Variants in WDR7 observed in about 807,000 individuals in gnomAD.
The protein encoded by WDR7 is WD repeat domain 7.
Under a neutral mutation model 169.4 loss-of-function variants are expected in WDR7, and 46 were observed. That is an observed-to-expected ratio of 0.27 (90% confidence interval 0.21 to 0.35). WDR7 has a LOEUF of 0.35. Among genes scored for constraint, WDR7 ranks in the 10% least tolerant of loss-of-function variants. WDR7 has a pLI of 1.00. For synonymous variants in WDR7, 612 were observed against 666.8 expected (o/e 0.92, Z 1.27); for missense variants, 1,534 against 1,859.3 (o/e 0.83, Z 3.22).
intron 12 of WDR7, among the ~76,000 whole-genome samples, chr18:56,703,979 A>G (rs1023821421): frequency 2.0e-5 from 3 of 152,154 alleles, no homozygotes; most frequent in Admixed American, 6.5e-5. Context: ...TCTTCAAACA[A>G]TGAGGAATAG....
At chr18:56,966,101 C>T (rs994363292) in intron 26 of WDR7, among the ~76,000 whole-genome samples, 1 of 152,016 alleles carries the variant, frequency 6.6e-6, no homozygotes. Flanking sequence ...GCATAGTGAC[C>T]GCTACAACGG....
chr18:56,661,930 T>C (rs1194519308), intron 1 of WDR7, among the ~76,000 whole-genome samples: 1 of 152,154 alleles, frequency 6.6e-6, no homozygotes, highest in Non-Finnish European at 1.5e-5. Context: ...CCTCATCACA[T>C]CATACTGTGA....
chr18:56,958,065 C>T (rs1002421024), intron 25 of WDR7, among the ~76,000 whole-genome samples: 5 of 151,972 alleles, frequency 3.3e-5, no homozygotes, highest in Non-Finnish European at 7.4e-5. Flanking sequence ...TTCATCAATC[C>T]AAGGGAAAGT....
intron 12 of WDR7, among the ~76,000 whole-genome samples, chr18:56,701,204 C>T (rs182220469): frequency 1.2e-4 from 18 of 152,182 alleles, no homozygotes; most frequent in African/African-American, 3.6e-4. Flanking sequence ...ATGGCAAGGG[C>T]GTATTATAGG....
chr18:56,668,279 C>T (rs1000517503), intron 1 of WDR7, among the ~76,000 whole-genome samples: 2 of 152,112 alleles, frequency 1.3e-5, no homozygotes, highest in African/African-American at 4.8e-5. Flanking sequence ...AATGTCAGCC[C>T]TACTATTTAC....
At chr18:56,955,894 A>G (rs1428825832) in intron 25 of WDR7, among the ~76,000 whole-genome samples, 1 of 152,218 alleles carries the variant, frequency 6.6e-6, no homozygotes, top group Non-Finnish European at 1.5e-5. Context: ...GTATAGATCC[A>G]GGCAATAAGG....
At chr18:56,691,598 A>G (rs1205556554) in intron 8 of WDR7, 117 bp from the exon 9 acceptor site, 1 of 932,606 alleles carries the variant, frequency 1.1e-6, no homozygotes, top group Non-Finnish European at 1.5e-6. Context: ...CCTGCATTAA[A>G]TTAACTATAA....
At chr18:56,850,704 G>A (rs1413616521) in intron 20 of WDR7, among the ~76,000 whole-genome samples, 2 of 151,936 alleles carry the variant, frequency 1.3e-5, no homozygotes, top group Admixed American at 6.6e-5. Flanking sequence ...ATAGAGATAG[G>A]GTTTTGCTCT....
chr18:57,017,412 CTG>C (rs10571337), intron 26 of WDR7, among the ~76,000 whole-genome samples: 37,124 of 143,400 alleles, frequency 0.26, 4,944 homozygotes, highest in Middle Eastern at 0.36. Context: ...CAGCATCATG[CTG>C]TGTGTGTGTG....
intron 12 of WDR7, 121 bp downstream of exon 12, chr18:56,696,583 C>G: frequency 1.1e-6 from 1 of 888,478 alleles, no homozygotes. Flanking sequence ...TAAGAAAACC[C>G]TTTCAATTTT....
At chr18:56,691,080 A>T in intron 7 of WDR7, 136 bp from the exon 8 acceptor site, 1 of 1,279,948 alleles carries the variant, frequency 7.8e-7, no homozygotes, top group Non-Finnish European at 1.1e-6. Flanking sequence ...GCTTATTGAC[A>T]AACTTTCTTT....
chr18:56,752,374 C>T (rs926676626), intron 14 of WDR7, among the ~76,000 whole-genome samples: 4 of 152,154 alleles, frequency 2.6e-5, no homozygotes, highest in Admixed American at 1.3e-4. Flanking sequence ...ATCTTCCATG[C>T]GGGTTTCCCG....
At chr18:56,960,278 G>A (rs1272323149) in intron 25 of WDR7, among the ~76,000 whole-genome samples, 1 of 152,140 alleles carries the variant, frequency 6.6e-6, no homozygotes, top group Non-Finnish European at 1.5e-5. Flanking sequence ...GATATCCAGA[G>A]CATAGGAAAT....
intron 19 of WDR7, among the ~76,000 whole-genome samples, chr18:56,808,099 G>T (rs917531672): frequency 5.3e-5 from 8 of 152,178 alleles, no homozygotes; most frequent in Non-Finnish European, 1.2e-4. Context: ...ACCGGCTGTG[G>T]ATCGATAGAA....
chr18:56,929,706 G>A (rs1054765768), intron 22 of WDR7, among the ~76,000 whole-genome samples: 31 of 152,140 alleles, frequency 2.0e-4, no homozygotes, highest in Non-Finnish European at 4.1e-4. Flanking sequence ...TTAAATAATG[G>A]GGATGGACTG....
chr18:56,782,915 T>C (rs2072065082), intron 19 of WDR7, among the ~76,000 whole-genome samples: 2 of 152,272 alleles, frequency 1.3e-5, no homozygotes, highest in South Asian at 4.1e-4. Flanking sequence ...TTATTATGTG[T>C]GTGGCATGAG....
chr18:56,880,423 A>C (rs994443213), intron 21 of WDR7, among the ~76,000 whole-genome samples: 4 of 152,230 alleles, frequency 2.6e-5, no homozygotes, highest in Admixed American at 6.5e-5. Flanking sequence ...ATTGTTCGTC[A>C]AGATTTTAGC....
At chr18:56,819,909 A>T (rs2045057563) in intron 20 of WDR7, among the ~76,000 whole-genome samples, 1 of 152,152 alleles carries the variant, frequency 6.6e-6, no homozygotes, top group South Asian at 2.1e-4. Flanking sequence ...GTAGATATAT[A>T]ACTGACATTT....
At chr18:56,845,649 C>T (rs2045555830) in intron 20 of WDR7, among the ~76,000 whole-genome samples, 2 of 152,012 alleles carry the variant, frequency 1.3e-5, no homozygotes, top group South Asian at 2.1e-4. Context: ...ATCTACATTC[C>T]ATTGCTGTTG....
Sources: gnomAD v4.1 joint callset for allele counts (sites outside exome capture counted in the v4.1 genomes callset) on GRCh38, gnomAD v4.1.1 for gene constraint, MANE v1.5 for transcripts, NCBI Gene and HGNC (gene_info 2026-07-23, HGNC 2026-07-21) for gene names.